MYO6: variants seen among roughly 807,000 people sequenced by gnomAD.
MYO6 encodes the protein myosin VI.
MYO6 carries 74 observed loss-of-function variants against 178.7 expected under a neutral mutation model. The observed-to-expected ratio is 0.41, with a 90% confidence interval of 0.34 to 0.50. The LOEUF is 0.50. Ranked by LOEUF, MYO6 falls within the 20% of genes least tolerant of loss-of-function variation. The pLI, the probability that MYO6 is intolerant of heterozygous loss-of-function variation, is 0.09. For missense variants in MYO6, 1,330 were observed against 1,547.4 expected, an observed-to-expected ratio of 0.86 and a Z score of 2.36; for synonymous variants, 477 against 504.6, an observed-to-expected ratio of 0.95 and a Z score of 0.73.
rs1781126027 is a variant in MYO6 at position 75,916,500 on chromosome 6, TC to T, written c.*1489del. The T allele has an allele frequency of 6.6e-6, 1 of 152,652 alleles. No homozygotes were observed. Among genetic ancestry groups the T allele is most frequent in the South Asian group, 2.1e-4 (1 of 4,836 alleles). 9.5% of individuals were successfully genotyped at this position (152,652 alleles called of 1,614,324 possible). On this transcript the variant is annotated 3_prime_UTR_variant, in exon 35 of 35. Transcript: ENST00000369977. ...GCTATTGAGAATGCAAATGTGATTA[TC>T]TTTTGAAGGCTGTATTACTGCATAG...
At chr6:75,781,217 C>G (rs961745005) in intron 1 of MYO6, among the ~76,000 whole-genome samples, 4 of 152,224 alleles carry the variant, frequency 2.6e-5, no homozygotes, top group African/African-American at 7.2e-5. Flanking sequence ...GAGACTAACA[C>G]TATGTAAAGT....
chr6:75,862,507 C>A (rs531186161), intron 15 of MYO6, 89 bp from the exon 16 acceptor site: 2 of 1,194,466 alleles, frequency 1.7e-6, no homozygotes, highest in African/African-American at 1.5e-5. Flanking sequence ...TCTGATCAGT[C>A]CTTGAAATCT....
chr6:75,887,385 T>C (rs1185572151), intron 25 of MYO6, among the ~76,000 whole-genome samples: 1 of 152,158 alleles, frequency 6.6e-6, no homozygotes, highest in Non-Finnish European at 1.5e-5. Context: ...GGCTCATGCC[T>C]GTAATCCCAG....
At chr6:75,845,103 T>A in intron 10 of MYO6, 126 bp downstream of exon 10, 1 of 747,382 alleles carries the variant, frequency 1.3e-6, no homozygotes, top group South Asian at 1.6e-5. Flanking sequence ...TTTAAAAAAT[T>A]AAATATTCAT....
intron 1 of MYO6, among the ~76,000 whole-genome samples, chr6:75,774,134 A>G (rs576230465): frequency 2.0e-5 from 3 of 152,332 alleles, no homozygotes; most frequent in African/African-American, 7.2e-5. Flanking sequence ...TGAATTATGT[A>G]AATGAATGTT....
At chr6:75,910,145 C>A (rs1288609541) in intron 32 of MYO6, among the ~76,000 whole-genome samples, 2 of 152,112 alleles carry the variant, frequency 1.3e-5, no homozygotes, top group Non-Finnish European at 2.9e-5. Flanking sequence ...TAATTGAACA[C>A]AACAAAATGA....
At chr6:75,773,511 G>A (rs1766088849) in intron 1 of MYO6, among the ~76,000 whole-genome samples, 1 of 152,120 alleles carries the variant, frequency 6.6e-6, no homozygotes, top group African/African-American at 2.4e-5. Flanking sequence ...GCATTCAGAG[G>A]GATTTTAGAC....
chr6:75,857,232 A>G lies in MYO6; in HGVS notation c.1359A>G (p.Gly453=). 6.2e-7 allele frequency: 1 copy of G among 1,613,888 alleles called. No homozygotes were observed. Among genetic ancestry groups the G allele is most frequent in the Non-Finnish European group, 8.5e-7 (1 of 1,179,820 alleles). Residue 453 remains glycine (G), a synonymous_variant, in exon 13 of 35, where the codon GGA becomes GGG. Coordinates refer to ENST00000369977, the MANE Select transcript of MYO6 (RefSeq NM_004999.4). ...TTGAAACATCATCCTATTTTATTGG[A>G]GTCCTAGATATTGCTGGTTTTGGTA... ...FPFETSSYFI[G]VLDIAGFEYF... is the part of the protein sequence containing the mutation.
In MYO6 at chr6:75,756,322, A is replaced by G. The variant is rs147997214; in HGVS notation, c.-48+6899A>G. ...AAGAGGTTAGCAAAGTATAATTTTA[A>G]TAGCAGCTATTGTTTTTTCTTTTTT... On this transcript the variant is annotated intron_variant, in intron 1 of 34. Transcript: ENST00000369977. 1.3e-3 allele frequency among the ~76,000 whole-genome samples: 195 copies of G among 152,064 alleles called. 1 individual carries two copies. Among genetic ancestry groups the G allele is most frequent in the African/African-American group, 4.4e-3 (184 of 41,560 alleles).
At chr6:75,777,709 T>G (rs1766532955) in intron 1 of MYO6, among the ~76,000 whole-genome samples, 1 of 152,080 alleles carries the variant, frequency 6.6e-6, no homozygotes, top group Non-Finnish European at 1.5e-5. Flanking sequence ...AGTGCTAGAA[T>G]TACAGGCATA....
intron 30 of MYO6, among the ~76,000 whole-genome samples, chr6:75,903,594 A>G: frequency 6.6e-6 from 1 of 151,780 alleles, no homozygotes; most frequent in Non-Finnish European, 1.5e-5. Context: ...ATCTTCCTCC[A>G]TCCTTTTATT....
chr6:75,877,224 C>T (rs1179359243), intron 20 of MYO6, among the ~76,000 whole-genome samples: 1 of 151,796 alleles, frequency 6.6e-6, no homozygotes, highest in African/African-American at 2.4e-5. Flanking sequence ...CCGCCTGCCT[C>T]GGCCTCCCAA....
rs138024490 is a variant in MYO6 at position 75,817,565 on chromosome 6, C to T, written c.18C>T (p.Pro6=). The change falls in exon 2 of 35, where the codon CCC becomes CCT. Residue 6 remains proline (P), a synonymous_variant. Coordinates refer to ENST00000369977, the MANE Select transcript of MYO6 (RefSeq NM_004999.4). MEDGK[P]VWAPHPTDGF... ...CTTCAAAAATGGAGGATGGAAAGCC[C>T]GTTTGGGCGCCACACCCTACAGATG... 108 of 1,613,982 alleles carry T rather than the reference C, an allele frequency of 6.7e-5. No homozygotes were observed. In the Admixed American group the frequency reaches 1.1e-3, roughly 16 times the overall value.
chr6:75,769,918 A>G (rs138106615), intron 1 of MYO6, among the ~76,000 whole-genome samples: 92 of 152,096 alleles, frequency 6.0e-4, no homozygotes, highest in African/African-American at 2.0e-3. Context: ...AAAAAAAAGA[A>G]TAGAGTTGAG....
At chr6:75,752,440 GT>G (rs1776979465) in intron 1 of MYO6, among the ~76,000 whole-genome samples, 1 of 152,184 alleles carries the variant, frequency 6.6e-6, no homozygotes, top group Non-Finnish European at 1.5e-5. Context: ...TAATGGTCTT[GT>G]CCTTTTACAG....
At position 75,908,594 on chromosome 6, in the gene MYO6, G is replaced by C. The variant is rs777983980; in HGVS notation, c.3379G>C (p.Glu1127Gln). Reference sequence around the variant, plus strand: ...GAACAAGAAGAGAAATACTGAAACAGAGCAACGTGCTCCAAAGTCTGTTAC... The same window carrying C: ...GAACAAGAAGAGAAATACTGAAACACAGCAACGTGCTCCAAAGTCTGTTAC... Reference protein sequence around the residue: ...SKNKKRNTETEQRAPKSVTDY... With the variant: ...SKNKKRNTETQQRAPKSVTDY... The change falls in exon 32 of 35, where the codon GAG (glutamate) becomes CAG (glutamine). Residue 1127 changes from glutamate (E) to glutamine (Q), a missense_variant. Physicochemically the swap from Glu to Gln is conservative, Grantham distance 29 (BLOSUM62 2). Around this residue, in one of 3 missense-constraint regions of MYO6, gnomAD observed 601 missense variants for 626.1 expected, o/e 0.96. Coordinates refer to ENST00000369977, the MANE Select transcript of MYO6 (RefSeq NM_004999.4). 2.5e-6 allele frequency: 4 copies of C among 1,613,486 alleles called. No individual in the cohort carries two copies. Among genetic ancestry groups the C allele is most frequent in the Non-Finnish European group, 3.4e-6 (4 of 1,179,664 alleles).
chr6:75,813,832 G>C (rs1046860522), intron 1 of MYO6, among the ~76,000 whole-genome samples: 3 of 152,178 alleles, frequency 2.0e-5, no homozygotes, highest in Non-Finnish European at 4.4e-5. Flanking sequence ...AAATGCCCAG[G>C]AGCTAGGGCC....
At chr6:75,903,673 C>G (rs1780014524) in intron 30 of MYO6, among the ~76,000 whole-genome samples, 1 of 151,780 alleles carries the variant, frequency 6.6e-6, no homozygotes, top group African/African-American at 2.4e-5. Flanking sequence ...GGTCTTGACT[C>G]TTTATCCAGT....
rs754419945 is a variant in MYO6, at chr6:75,858,997, A to G, written c.1473+4A>G. ...TAATGAAAGGATTCTGAAGGAGGTAATTGCCATTATAAGTTTAATTTAAGA... is the reference window on the plus strand; with the variant it reads ...TAATGAAAGGATTCTGAAGGAGGTAGTTGCCATTATAAGTTTAATTTAAGA... On this transcript the variant is annotated splice_donor_region_variant and intron_variant, in intron 14 of 34. Coordinates refer to ENST00000369977, the MANE Select transcript of MYO6 (RefSeq NM_004999.4). 1 of 1,544,466 alleles carries G rather than the reference A, an allele frequency of 6.5e-7. No homozygotes were observed. Among genetic ancestry groups the G allele is most frequent in the South Asian group, 1.1e-5 (1 of 89,110 alleles).
Sources: gnomAD v4.1 joint callset for allele counts (sites outside exome capture counted in the v4.1 genomes callset) on GRCh38, gnomAD v4.1.1 for gene constraint, gnomAD v4.1.1 regional missense constraint, MANE v1.5 for transcripts, NCBI Gene and HGNC (gene_info 2026-07-23, HGNC 2026-07-21) for gene names.